TGFA: variants seen among roughly 807,000 people sequenced by gnomAD.
TGFA encodes transforming growth factor alpha.
In TGFA, 12 loss-of-function variants were observed where a neutral mutation model predicts 21.7. That is an observed-to-expected ratio of 0.55 (90% CI 0.35 to 0.90). TGFA has a LOEUF of 0.90. Ranked by LOEUF, TGFA falls within the 40% of genes least tolerant of loss-of-function variation. TGFA has a pLI of 0.01. For missense variants in TGFA, 178 were observed against 210.8 expected (o/e 0.84, Z 0.96); for synonymous variants, 79 against 88.1 (o/e 0.90, Z 0.58).
intron 2 of TGFA, among the ~76,000 whole-genome samples, chr2:70,512,490 G>GAT (rs1383957531): frequency 1.3e-5 from 2 of 152,226 alleles, no homozygotes; most frequent in African/African-American, 2.4e-5. Context: ...TGGTTACAGG[G>GAT]TAATATGCAA....
rs1670021871 is a variant in TGFA, at chr2:70,450,540, A to G, written c.*319T>C. ...TGGAATCCATGGCTGGCAGAAGACA[A>G]CTGCACACATGTGGACTCAGACACC... On this transcript the variant is annotated 3_prime_UTR_variant, in exon 6 of 6. Transcript: ENST00000295400. 4 of 311,196 alleles carry G rather than the reference A, an allele frequency of 1.3e-5. No homozygotes were observed. In the East Asian group the frequency reaches 2.1e-4, roughly 17 times the overall value. The allele number at this position is 311,196 out of a possible 1,614,324, so 19.3% of individuals were successfully genotyped here.
In TGFA at chr2:70,515,607, C is replaced by T. The variant is rs142253551; in HGVS notation, c.41-695G>A. Among the ~76,000 whole-genome samples the T allele has an allele frequency of 7.9e-5, 12 of 152,244 alleles. No individual in the cohort carries two copies. The East Asian group carries it at 2.1e-3, about 27-fold the overall frequency. ...CTTAAGGATATTGCCTCCTCCCTGC[C>T]AGGATGTACTAGGTACCTGGATCAG... On this transcript the variant is annotated intron_variant, in intron 1 of 5. Coordinates refer to ENST00000295400, the MANE Select transcript of TGFA (RefSeq NM_003236.4).
rs189238975 is a variant in TGFA, at chr2:70,549,602, A to T, written c.40+4126T>A. ...GTGTGACACCAAGCACAAGATGCCT[A>T]ATTCAGTGTGTACAAGCCATTTTCA... is the stretch of plus-strand genomic sequence containing the variant. On this transcript the variant is annotated intron_variant, in intron 1 of 5. Transcript: ENST00000295400. Among the ~76,000 whole-genome samples the T allele has an allele frequency of 8.5e-5, 13 of 152,318 alleles. No homozygotes were observed. The East Asian group carries it at 2.3e-3, about 27-fold the overall frequency.
At chr2:70,479,069 C>T (rs1241713713) in intron 2 of TGFA, among the ~76,000 whole-genome samples, 5 of 152,046 alleles carry the variant, frequency 3.3e-5, no homozygotes, top group African/African-American at 9.7e-5. Flanking sequence ...ACTTATATTT[C>T]AGTAATTAAT....
Position 70,500,408 on chromosome 2 carries a change from C to T in TGFA, c.94+14451G>A, listed in dbSNP as rs117486832. ...CAAAGCTCTCTCCCCAAACAACATC[C>T]TGGTTCAGGGGCTACATTCACTCAC... On this transcript the variant is annotated intron_variant, in intron 2 of 5. Coordinates refer to ENST00000295400, the MANE Select transcript of TGFA (RefSeq NM_003236.4). 8.9e-4 allele frequency among the ~76,000 whole-genome samples: 135 copies of T among 152,162 alleles called. 1 individual carries two copies. The East Asian group carries it at 0.025, about 28-fold the overall frequency.
At chr2:70,515,997 G>A (rs1350582835) in intron 1 of TGFA, among the ~76,000 whole-genome samples, 2 of 152,306 alleles carry the variant, frequency 1.3e-5, no homozygotes, top group Middle Eastern at 3.4e-3. Flanking sequence ...GACCTATACA[G>A]GTTGCATGCC....
chr2:70,450,647 C>G lies in TGFA; in HGVS notation c.*212G>C. The G allele has an allele frequency of 1.8e-6, 1 of 566,944 alleles. No homozygotes were observed. Among genetic ancestry groups the G allele is most frequent in the Non-Finnish European group, 3.2e-6 (1 of 312,642 alleles). The allele number at this position is 566,944 out of a possible 1,614,324, so 35.1% of individuals were successfully genotyped here. ...TTTAACAAGTCTTGAAATCGTGGTCCGCTGATTTCTTCTCTAGGTCACACT... is the reference window on the plus strand; with the variant it reads ...TTTAACAAGTCTTGAAATCGTGGTCGGCTGATTTCTTCTCTAGGTCACACT... On this transcript the variant is annotated 3_prime_UTR_variant, in exon 6 of 6. Coordinates refer to ENST00000295400, the MANE Select transcript of TGFA (RefSeq NM_003236.4).
intron 2 of TGFA, among the ~76,000 whole-genome samples, chr2:70,471,045 A>G (rs1337219784): frequency 2.0e-5 from 3 of 152,082 alleles, no homozygotes; most frequent in Admixed American, 1.3e-4. Flanking sequence ...GTAAGTATAC[A>G]CTGCACACGA....
chr2:70,493,695 A>G (rs146422566), intron 2 of TGFA, among the ~76,000 whole-genome samples: 5 of 152,346 alleles, frequency 3.3e-5, no homozygotes, highest in African/African-American at 1.2e-4. Context: ...TACCAGTGCC[A>G]TAACAATGAC....
intron 2 of TGFA, among the ~76,000 whole-genome samples, chr2:70,470,522 G>A (rs1247758128): frequency 4.6e-5 from 7 of 152,166 alleles, no homozygotes; most frequent in African/African-American, 1.7e-4. Context: ...TTTTGAAGGG[G>A]ACTTCATGTG....
intron 5 of TGFA, among the ~76,000 whole-genome samples, chr2:70,452,157 GT>G: frequency 6.6e-6 from 1 of 152,270 alleles, no homozygotes; most frequent in Non-Finnish European, 1.5e-5. Context: ...AACGCCAACT[GT>G]TTACTAGGGA....
At chr2:70,483,624 C>T (rs1433104103) in intron 2 of TGFA, among the ~76,000 whole-genome samples, 1 of 152,236 alleles carries the variant, frequency 6.6e-6, no homozygotes, top group African/African-American at 2.4e-5. Flanking sequence ...TTGCACTAAC[C>T]TTTTCTACCT....
At position 70,470,825 on chromosome 2, in the gene TGFA, G is replaced by A. The variant is rs79291085; in HGVS notation, c.95-5089C>T. Among the ~76,000 whole-genome samples the A allele has an allele frequency of 1.2e-3, 177 of 151,996 alleles. 1 individual carries two copies. Among genetic ancestry groups the A allele is most frequent in the African/African-American group, 3.6e-3 (149 of 41,426 alleles). ...AGGATGAAGGGAGCTTGATGCTAGT[G>A]GATTATCATTAGAAGGTTGTTTATT... On this transcript the variant is annotated intron_variant, in intron 2 of 5. Coordinates refer to ENST00000295400, the MANE Select transcript of TGFA (RefSeq NM_003236.4).
At chr2:70,545,554 T>C (rs1673277036) in intron 1 of TGFA, among the ~76,000 whole-genome samples, 1 of 152,174 alleles carries the variant, frequency 6.6e-6, no homozygotes, top group South Asian at 2.1e-4. Flanking sequence ...TGGTTAACTG[T>C]TTCAAAAAAT....
chr2:70,528,629 T>C (rs1553503254), intron 1 of TGFA, among the ~76,000 whole-genome samples: 1 of 152,208 alleles, frequency 6.6e-6, no homozygotes, highest in Non-Finnish European at 1.5e-5. Context: ...ATCCTGGTTT[T>C]AGTGCAACTG....
chr2:70,451,069 G>C (rs1171544479), intron 5 of TGFA, among the ~76,000 whole-genome samples: 1 of 151,712 alleles, frequency 6.6e-6, no homozygotes, highest in Non-Finnish European at 1.5e-5. Context: ...AAGGAAGCTA[G>C]AGAGACTGAT....
rs570295816 is a variant in TGFA, at chr2:70,514,408, T to TA, written c.94+450dup. ...TGATTTAGAATCTTTAAAATAATAA[T>TA]AAAAAAAAATACCGATTTTTTTTTT... On this transcript the variant is annotated intron_variant, in intron 2 of 5. Transcript: ENST00000295400. Among the ~76,000 whole-genome samples the TA allele has an allele frequency of 3.7e-4, 52 of 142,464 alleles. No individual in the cohort carries two copies. The South Asian group carries it at 5.4e-3, about 15-fold the overall frequency. The allele number at this position is 142,464 out of a possible 152,430, so 93.5% of individuals were successfully genotyped here.
intron 1 of TGFA, among the ~76,000 whole-genome samples, chr2:70,543,743 G>C (rs980880372): frequency 6.6e-6 from 1 of 152,098 alleles, no homozygotes; most frequent in African/African-American, 2.4e-5. Context: ...AAGCTTCTTA[G>C]CAATTTCTTT....
At chr2:70,553,514 C>G in intron 1 of TGFA, 1 of 1,377,686 alleles carries the variant, frequency 7.3e-7, no homozygotes, top group Non-Finnish European at 9.3e-7. Flanking sequence ...CAGGCAGCCA[C>G]TTTCCCGGGG....
Sources: gnomAD v4.1 joint callset for allele counts (sites outside exome capture counted in the v4.1 genomes callset) on GRCh38, gnomAD v4.1.1 for gene constraint, MANE v1.5 for transcripts, NCBI Gene and HGNC (gene_info 2026-07-23, HGNC 2026-07-21) for gene names.